ABCB10: variants seen among roughly 807,000 people sequenced by gnomAD.
The protein encoded by ABCB10 is ATP-binding cassette sub-family B member 10, mitochondrial.
In ABCB10, 54 loss-of-function variants were observed where a neutral mutation model predicts 65.4. That is an observed-to-expected ratio of 0.83 (90% CI 0.66 to 1.04). ABCB10 has a LOEUF of 1.04. Among genes scored for constraint, ABCB10 ranks in the 50% least tolerant of loss-of-function variants. ABCB10 has a pLI of 0.00. For missense variants in ABCB10, 846 were observed against 976.6 expected, an observed-to-expected ratio of 0.87 and a Z score of 1.78; for synonymous variants, 418 against 406.5, an observed-to-expected ratio of 1.03 and a Z score of -0.34.
intron 1 of ABCB10, among the ~76,000 whole-genome samples, chr1:229,550,856 T>C (rs970789152): frequency 8.0e-5 from 12 of 150,628 alleles, no homozygotes; most frequent in African/African-American, 2.7e-4. Flanking sequence ...AGAGCAAGAC[T>C]CTGTCTCAAA....
intron 1 of ABCB10, among the ~76,000 whole-genome samples, chr1:229,557,822 T>C (rs1287802615): frequency 6.6e-6 from 1 of 152,234 alleles, no homozygotes; most frequent in Non-Finnish European, 1.5e-5. Context: ...CTCATTTTGC[T>C]GCCTAAGCCA....
intron 8 of ABCB10, among the ~76,000 whole-genome samples, chr1:229,529,031 C>T (rs1320946675): frequency 6.6e-6 from 1 of 152,064 alleles, no homozygotes; most frequent in African/African-American, 2.4e-5. Flanking sequence ...GTGGCTCACG[C>T]CTGTAATCCC....
intron 3 of ABCB10, among the ~76,000 whole-genome samples, chr1:229,544,336 G>A (rs906486936): frequency 1.3e-5 from 2 of 149,436 alleles, no homozygotes; most frequent in Non-Finnish European, 2.9e-5. Context: ...AGGATCACTC[G>A]AGCTCGGGAG....
chr1:229,533,646 C>T (rs1441181700), intron 6 of ABCB10, among the ~76,000 whole-genome samples: 1 of 152,188 alleles, frequency 6.6e-6, no homozygotes, highest in African/African-American at 2.4e-5. Flanking sequence ...ATTTTTGACA[C>T]AGAAGCAAAC....
At chr1:229,520,962 A>G (rs1295298819) in intron 11 of ABCB10, among the ~76,000 whole-genome samples, 5 of 152,200 alleles carry the variant, frequency 3.3e-5, no homozygotes, top group African/African-American at 1.2e-4. Context: ...ATGTTCTGAA[A>G]CTGGACTTTG....
chr1:229,533,336 C>A (rs1037254635), intron 6 of ABCB10, among the ~76,000 whole-genome samples: 1 of 152,112 alleles, frequency 6.6e-6, no homozygotes, highest in South Asian at 2.1e-4. Context: ...GTTGGCCAGG[C>A]TGGTCTCCAA....
Position 229,518,163 on chromosome 1 carries a change from A to T in ABCB10, c.*16T>A, listed in dbSNP as rs1662220093. The T allele has an allele frequency of 5.1e-6, 8 of 1,583,124 alleles. No individual in the cohort carries two copies. Among genetic ancestry groups the T allele is most frequent in the Non-Finnish European group, 6.9e-6 (8 of 1,152,374 alleles). On this transcript the variant is annotated 3_prime_UTR_variant, in exon 13 of 13. Coordinates refer to ENST00000344517, the MANE Select transcript of ABCB10 (RefSeq NM_012089.3). ...TTTGCATTAAAGTCTCATATTGTTT[A>T]CCAGTAATTGCTTCCTTATGCTGAA... is the stretch of plus-strand genomic sequence containing the variant.
At chr1:229,540,135 G>A (rs1342330022) in intron 5 of ABCB10, among the ~76,000 whole-genome samples, 1 of 152,160 alleles carries the variant, frequency 6.6e-6, no homozygotes, top group Non-Finnish European at 1.5e-5. Flanking sequence ...TTGCCCTCAT[G>A]GTGATTTTCT....
At chr1:229,542,177 T>C in intron 4 of ABCB10, 60 bp downstream of exon 4, 3 of 1,584,376 alleles carry the variant, frequency 1.9e-6, no homozygotes, top group African/African-American at 2.7e-5. Flanking sequence ...ATCTGCCCTC[T>C]AGGATCCTGG....
At chr1:229,531,586 T>C (rs746555237) in intron 7 of ABCB10, 50 bp downstream of exon 7, 1 of 1,572,362 alleles carries the variant, frequency 6.4e-7, no homozygotes, top group East Asian at 2.2e-5. Flanking sequence ...GGTCTCATTG[T>C]TCAAAGCCAC....
In ABCB10 at chr1:229,517,084, A is replaced by G. The variant is rs1303671432; in HGVS notation, c.*1095T>C. 3 of 152,214 alleles carry G rather than the reference A, an allele frequency of 2.0e-5. No individual in the cohort carries two copies. Among genetic ancestry groups the G allele is most frequent in the African/African-American group, 7.2e-5 (3 of 41,456 alleles). The allele number at this position is 152,214 out of a possible 1,614,324, so 9.4% of individuals were successfully genotyped here. A position where few individuals can be genotyped will look rare whatever the true frequency, so the allele number is the denominator to read the frequency against. On this transcript the variant is annotated 3_prime_UTR_variant, in exon 13 of 13. Coordinates refer to ENST00000344517, the MANE Select transcript of ABCB10 (RefSeq NM_012089.3). ...TAACAGCACTGATACAAAATATGGCAAATTCAATGGTTGTAGCATTGCTTT... is the reference window on the plus strand; with the variant it reads ...TAACAGCACTGATACAAAATATGGCGAATTCAATGGTTGTAGCATTGCTTT...
intron 9 of ABCB10, among the ~76,000 whole-genome samples, chr1:229,527,025 T>C (rs1417080138): frequency 2.6e-5 from 4 of 152,080 alleles, no homozygotes; most frequent in Admixed American, 6.6e-5. Flanking sequence ...AAGTCAATGC[T>C]TCACCCTTGC....
Position 229,517,243 on chromosome 1 carries a change from G to A in ABCB10, c.*936C>T, listed in dbSNP as rs1558116012. Reference sequence around the variant, plus strand: ...ATAGCAAGGACTTCCAAACTTAAATGTCTTAAGGCTGAAAATTAGTTATAT... The same window carrying A: ...ATAGCAAGGACTTCCAAACTTAAATATCTTAAGGCTGAAAATTAGTTATAT... On this transcript the variant is annotated 3_prime_UTR_variant, in exon 13 of 13. Coordinates refer to ENST00000344517, the MANE Select transcript of ABCB10 (RefSeq NM_012089.3). The A allele has an allele frequency of 2.6e-5, 4 of 152,082 alleles. No individual in the cohort carries two copies. Among genetic ancestry groups the A allele is most frequent in the Non-Finnish European group, 5.9e-5 (4 of 68,004 alleles). 9.4% of individuals were successfully genotyped at this position (152,082 alleles called of 1,614,324 possible).
rs1040487913 is a variant in ABCB10, at chr1:229,542,375, T to A, written c.922-4A>T. ...CCAGATTAGGTGAGACAAAAAACTG[T>A]CAAAAACAAAAAAAAATTCAGAGGT... On this transcript the variant is annotated splice_polypyrimidine_tract_variant and splice_region_variant and intron_variant, in intron 3 of 12. Transcript: ENST00000344517. 8 of 1,600,488 alleles carry A rather than the reference T, an allele frequency of 5.0e-6. No homozygotes were observed. The Admixed American group carries it at 5.4e-5, about 11-fold the overall frequency.
rs1475368244 is a variant in ABCB10 at position 229,558,568 on chromosome 1, C to G, written c.85G>C (p.Val29Leu). 5 of 1,444,922 alleles carry G rather than the reference C, an allele frequency of 3.5e-6. No individual in the cohort carries two copies. The highest frequency in any genetic ancestry group is 4.5e-6 in the Non-Finnish European group (5 of 1,101,022). The allele number at this position is 1,444,922 out of a possible 1,614,324, so 89.5% of individuals were successfully genotyped here. Residue 29 changes from valine to leucine, a missense_variant, in exon 1 of 13, where the codon GTG becomes CTG. This residue lies in a region of ABCB10 where 214 missense variants were observed against 173.5 expected (regional missense o/e 1.23). Coordinates refer to ENST00000344517, the MANE Select transcript of ABCB10 (RefSeq NM_012089.3). ...EPGRLLPVAC[V>L]WAAASRVPGS... ...GGAACGCGGCTGGCCGCGGCCCACA[C>G]GCAGGCTACCGGCAGGAGCCGACCT...
chr1:229,535,113 C>T (rs1289136774), intron 6 of ABCB10: 1 of 143,170 alleles, frequency 7.0e-6, no homozygotes, highest in African/African-American at 2.6e-5. Flanking sequence ...AGAAGGGTAT[C>T]GAGAAAAGTT....
chr1:229,521,441 C>A, intron 11 of ABCB10, 151 bp downstream of exon 11: 2 of 826,294 alleles, frequency 2.4e-6, no homozygotes, highest in South Asian at 1.8e-5. Context: ...ACTAACTTAC[C>A]TTTCACCAGA....
At chr1:229,552,664 A>G (rs1663145543) in intron 1 of ABCB10, among the ~76,000 whole-genome samples, 1 of 152,164 alleles carries the variant, frequency 6.6e-6, no homozygotes, top group Non-Finnish European at 1.5e-5. Context: ...CCATCTGGTT[A>G]TATCAGGCAG....
intron 1 of ABCB10, among the ~76,000 whole-genome samples, chr1:229,555,448 C>T (rs1160184324): frequency 6.6e-6 from 1 of 152,248 alleles, no homozygotes. Flanking sequence ...CTTAGGCCTT[C>T]CTTTAGAAGA....
Sources: gnomAD v4.1 joint callset for allele counts (sites outside exome capture counted in the v4.1 genomes callset) on GRCh38, gnomAD v4.1.1 for gene constraint, gnomAD v4.1.1 regional missense constraint, MANE v1.5 for transcripts, NCBI Gene and HGNC (gene_info 2026-07-23, HGNC 2026-07-21) for gene names.